The following HYCC1 variants were observed in gnomAD, a reference collection of about 807,000 sequenced individuals.
HYCC1 encodes the protein hyccin.
At chr7:22,966,648 AC>A in the HYCC1 span, among the ~76,000 whole-genome samples, 1 of 152,032 alleles carries the variant, frequency 6.6e-6, no homozygotes, top group Non-Finnish European at 1.5e-5. Context: ...TTATTTACTC[AC>A]TCTTCCCCCG....
the HYCC1 span, among the ~76,000 whole-genome samples, chr7:22,933,683 A>C: frequency 1.3e-5 from 2 of 152,180 alleles, no homozygotes; most frequent in Admixed American, 6.5e-5. Context: ...ATAAATATGT[A>C]TGTTTTGCAT....
the HYCC1 span, among the ~76,000 whole-genome samples, chr7:22,995,000 T>A: frequency 1.3e-5 from 2 of 152,112 alleles, no homozygotes; most frequent in African/African-American, 4.8e-5. Context: ...ACCAGCAAAA[T>A]CCTCTACATC....
the HYCC1 span, among the ~76,000 whole-genome samples, chr7:22,978,939 G>A: frequency 2.0e-5 from 3 of 151,924 alleles, no homozygotes; most frequent in Non-Finnish European, 2.9e-5. Context: ...TCTTTATAAT[G>A]GGCTTTAAAA....
chr7:22,903,920 TA>T, the HYCC1 span, among the ~76,000 whole-genome samples: 2 of 152,180 alleles, frequency 1.3e-5, no homozygotes, highest in Non-Finnish European at 2.9e-5. Flanking sequence ...TCACAATTTT[TA>T]TTATGAAATG....
chr7:22,992,378 G>A, the HYCC1 span, among the ~76,000 whole-genome samples: 29,785 of 151,866 alleles, frequency 0.2, 3,421 homozygotes, highest in Non-Finnish European at 0.26. Context: ...GATCAAGTCA[G>A]ACTAACAGAA....
At chr7:23,002,782 A>C in the HYCC1 span, among the ~76,000 whole-genome samples, 1 of 152,208 alleles carries the variant, frequency 6.6e-6, no homozygotes, top group Admixed American at 6.5e-5. Flanking sequence ...GCCGTAACAA[A>C]GTACCACAGA....
At chr7:22,921,609 G>A in the HYCC1 span, among the ~76,000 whole-genome samples, 5 of 152,100 alleles carry the variant, frequency 3.3e-5, no homozygotes, top group Non-Finnish European at 5.9e-5. Context: ...TTGTCCCTTG[G>A]TATACATAGG....
chr7:23,011,447 C>A, the HYCC1 span, among the ~76,000 whole-genome samples: 1 of 152,154 alleles, frequency 6.6e-6, no homozygotes, highest in Non-Finnish European at 1.5e-5. Flanking sequence ...TCAACAGAAC[C>A]CCAAGTCAAA....
At chr7:23,009,363 C>T in the HYCC1 span, among the ~76,000 whole-genome samples, 935 of 152,256 alleles carry the variant, frequency 6.1e-3, 5 homozygotes, top group Non-Finnish European at 9.2e-3. Context: ...TATTTCCACT[C>T]TTTTAGGCTG....
the HYCC1 span, among the ~76,000 whole-genome samples, chr7:22,928,611 T>C: frequency 6.6e-6 from 1 of 152,082 alleles, no homozygotes. Flanking sequence ...ATAAAATACC[T>C]AGGAATCCAA....
chr7:22,915,176 A>G, the HYCC1 span, among the ~76,000 whole-genome samples: 38,704 of 152,016 alleles, frequency 0.25, 5,085 homozygotes, highest in East Asian at 0.48. Flanking sequence ...CAGCATTGCA[A>G]AAAGGTCCAA....
At chr7:22,987,832 T>A in the HYCC1 span, among the ~76,000 whole-genome samples, 1 of 152,204 alleles carries the variant, frequency 6.6e-6, no homozygotes, top group East Asian at 1.9e-4. Context: ...AAGGGTTTCT[T>A]TCAGTTCACT....
At chr7:22,995,547 G>T in the HYCC1 span, among the ~76,000 whole-genome samples, 2 of 152,000 alleles carry the variant, frequency 1.3e-5, no homozygotes, top group African/African-American at 4.8e-5. Context: ...CAACCTGAAA[G>T]AACACCCAAT....
chr7:22,955,408 C>G, the HYCC1 span, among the ~76,000 whole-genome samples: 1 of 151,554 alleles, frequency 6.6e-6, no homozygotes, highest in Non-Finnish European at 1.5e-5. Context: ...GTCTCATTAT[C>G]TCACAAAGGC....
chr7:22,926,110 T>C, the HYCC1 span, among the ~76,000 whole-genome samples: 1 of 151,846 alleles, frequency 6.6e-6, no homozygotes, highest in Admixed American at 6.6e-5. Flanking sequence ...AGAAACAAAA[T>C]ACTTTACAGA....
chr7:22,996,597 TAAA>T, the HYCC1 span, among the ~76,000 whole-genome samples: 239 of 106,524 alleles, frequency 2.2e-3, 1 homozygote, highest in African/African-American at 8.3e-3. Flanking sequence ...GTACAATTGT[TAAA>T]AAAAAAAAAA....
the HYCC1 span, among the ~76,000 whole-genome samples, chr7:23,013,575 C>T: frequency 6.6e-6 from 1 of 152,156 alleles, no homozygotes; most frequent in Admixed American, 6.5e-5. Context: ...GGCGGCGGCA[C>T]CCGGGTCACA....
chr7:22,925,130 T>C, the HYCC1 span, among the ~76,000 whole-genome samples: 2 of 152,086 alleles, frequency 1.3e-5, no homozygotes, highest in African/African-American at 2.4e-5. Flanking sequence ...TCCTGACTGT[T>C]AGAAGGAAAA....
At chr7:22,959,183 T>C in the HYCC1 span, among the ~76,000 whole-genome samples, 1 of 152,180 alleles carries the variant, frequency 6.6e-6, no homozygotes, top group East Asian at 1.9e-4. Context: ...CTTTCAAGAA[T>C]TGCTACACTT....
Sources: gnomAD v4.1 joint callset for allele counts (sites outside exome capture counted in the v4.1 genomes callset) on GRCh38, gnomAD v4.1.1 for gene constraint, MANE v1.5 for transcripts, NCBI Gene and HGNC (gene_info 2026-07-23, HGNC 2026-07-21) for gene names.